Variants in ADAMTS16 observed in about 807,000 individuals in gnomAD.
ADAMTS16 encodes ADAM metallopeptidase with thrombospondin type 1 motif 16.
ADAMTS16 carries 94 observed loss-of-function variants against 145.8 expected under a neutral mutation model. The ratio of observed to expected loss-of-function variants is 0.64; its 90% CI spans 0.55 to 0.77. ADAMTS16 has a LOEUF of 0.77. Among genes scored for constraint, ADAMTS16 ranks in the 30% least tolerant of loss-of-function variants. The pLI, the probability that ADAMTS16 is intolerant of heterozygous loss-of-function variation, is 0.00. For synonymous variants in ADAMTS16, 659 were observed against 604.3 expected (o/e 1.09, Z -1.33); for missense variants, 1,585 against 1,591.5 (o/e 1.00, Z 0.07).
At chr5:5,314,246 G>A (rs1173975396) in intron 21 of ADAMTS16, among the ~76,000 whole-genome samples, 1 of 152,226 alleles carries the variant, frequency 6.6e-6, no homozygotes, top group African/African-American at 2.4e-5. Context: ...GGGACTTAGA[G>A]CAGGCCTCTC....
At chr5:5,174,780 TC>T (rs1266744824) in intron 3 of ADAMTS16, among the ~76,000 whole-genome samples, 1 of 152,232 alleles carries the variant, frequency 6.6e-6, no homozygotes, top group Non-Finnish European at 1.5e-5. Flanking sequence ...CTCCAGAATT[TC>T]TTCTTGATTC....
chr5:5,270,405 C>G (rs973115356), intron 18 of ADAMTS16, among the ~76,000 whole-genome samples: 2 of 152,216 alleles, frequency 1.3e-5, no homozygotes, highest in Non-Finnish European at 2.9e-5. Context: ...GGGCTCGACC[C>G]TGCCTTCCCC....
chr5:5,177,922 T>C (rs1257954783), intron 3 of ADAMTS16, among the ~76,000 whole-genome samples: 1 of 152,218 alleles, frequency 6.6e-6, no homozygotes, highest in Non-Finnish European at 1.5e-5. Context: ...TGGGAGTCTG[T>C]CTCATTGCTG....
At chr5:5,229,422 G>T (rs1325261394) in intron 11 of ADAMTS16, among the ~76,000 whole-genome samples, 3 of 152,174 alleles carry the variant, frequency 2.0e-5, no homozygotes, top group Non-Finnish European at 2.9e-5. Flanking sequence ...GATGTGTCAG[G>T]TTATAAATGA....
Position 5,262,232 on chromosome 5 carries a change from T to C in ADAMTS16, c.2663-425T>C, listed in dbSNP as rs143116402. On this transcript the variant is annotated intron_variant, in intron 17 of 22. Transcript: ENST00000274181. ...TTGTTAGTTTGTTGTCTATGTTTCC[T>C]GCTGATTTATTACTGTTTCTTGTTG... Among the ~76,000 whole-genome samples the C allele has an allele frequency of 7.2e-5, 11 of 152,360 alleles. No homozygotes were observed. The East Asian group carries it at 1.9e-3, about 27-fold the overall frequency.
intron 21 of ADAMTS16, among the ~76,000 whole-genome samples, chr5:5,312,448 A>T (rs1435465973): frequency 1.2e-3 from 164 of 134,410 alleles, no homozygotes; most frequent in African/African-American, 4.0e-3. Context: ...TGTTGTTGTT[A>T]TTTTTTTTTT....
chr5:5,192,078 G>A (rs1735675482), intron 8 of ADAMTS16, among the ~76,000 whole-genome samples: 1 of 152,092 alleles, frequency 6.6e-6, no homozygotes, highest in Admixed American at 6.6e-5. Context: ...CTGCCTCCTG[G>A]GCTCAAGCAA....
intron 3 of ADAMTS16, among the ~76,000 whole-genome samples, chr5:5,153,588 G>A (rs150304641): frequency 1.1e-4 from 16 of 152,038 alleles, no homozygotes; most frequent in South Asian, 4.1e-4. Context: ...TTAATAAATC[G>A]TTCAATCACT....
intron 17 of ADAMTS16, 48 bp from the exon 18 acceptor site, chr5:5,262,609 T>TG (rs2126432139): frequency 6.3e-7 from 1 of 1,584,234 alleles, no homozygotes; most frequent in Non-Finnish European, 8.6e-7. Context: ...CCTTTTACTG[T>TG]GGGGCATGCA....
At chr5:5,184,079 G>A (rs546412555) in intron 4 of ADAMTS16, among the ~76,000 whole-genome samples, 3 of 152,280 alleles carry the variant, frequency 2.0e-5, no homozygotes, top group African/African-American at 7.2e-5. Context: ...CAGGGGCCAT[G>A]TGACCAGCCC....
chr5:5,282,694 T>A (rs1301344341), intron 18 of ADAMTS16, among the ~76,000 whole-genome samples: 1 of 152,228 alleles, frequency 6.6e-6, no homozygotes, highest in East Asian at 1.9e-4. Flanking sequence ...AAATATATAT[T>A]CTTGTTGTCA....
intron 17 of ADAMTS16, among the ~76,000 whole-genome samples, chr5:5,257,845 C>T (rs1351467764): frequency 6.6e-6 from 1 of 152,196 alleles, no homozygotes; most frequent in East Asian, 1.9e-4. Context: ...AGTTTCCAGT[C>T]TTGAGTCTCA....
At chr5:5,228,450 T>C (rs953501490) in intron 11 of ADAMTS16, among the ~76,000 whole-genome samples, 4 of 152,154 alleles carry the variant, frequency 2.6e-5, no homozygotes, top group African/African-American at 9.6e-5. Context: ...ACATTTATAG[T>C]CCTAAATTTA....
Position 5,310,092 on chromosome 5 carries a change from G to GTT in ADAMTS16, c.3411+3365_3411+3366dup, listed in dbSNP as rs1192960991. Among the ~76,000 whole-genome samples, 2 of 152,164 alleles carry GTT rather than the reference G, an allele frequency of 1.3e-5. No individual in the cohort carries two copies. Among genetic ancestry groups the GTT allele is most frequent in the African/African-American group, 2.4e-5 (1 of 41,422 alleles). On this transcript the variant is annotated intron_variant, in intron 21 of 22. Transcript: ENST00000274181. This position sits in a 1 kb window ranked among gnomAD's most constrained non-coding sequence, Gnocchi z 4.3. ...AGTGCAGAAATTAGTGCAGGTGCCT[G>GTT]TTGGGCAGCCGGGGTCAAGGTGTGA...
intron 3 of ADAMTS16, among the ~76,000 whole-genome samples, chr5:5,162,231 T>G (rs1163569154): frequency 6.6e-6 from 1 of 152,244 alleles, no homozygotes; most frequent in East Asian, 1.9e-4. Flanking sequence ...TAAAAAATTA[T>G]TTTAGGCAGA....
rs562724399 is a variant in ADAMTS16 at position 5,269,432 on chromosome 5, G to A, written c.2789+6649G>A. Among the ~76,000 whole-genome samples, 11 of 152,156 alleles carry A rather than the reference G, an allele frequency of 7.2e-5. No individual in the cohort carries two copies. The East Asian group carries it at 2.1e-3, about 30-fold the overall frequency. ...GTACACAATCCTTACACCTGCCCCTGGGTCATTTGCTCCCCACCTCCCAGG... is the reference window on the plus strand; with the variant it reads ...GTACACAATCCTTACACCTGCCCCTAGGTCATTTGCTCCCCACCTCCCAGG... On this transcript the variant is annotated intron_variant, in intron 18 of 22. Coordinates refer to ENST00000274181, the MANE Select transcript of ADAMTS16 (RefSeq NM_139056.4). The surrounding 1 kb of genome is among the most constrained non-coding windows in gnomAD (Gnocchi z 4.3).
At chr5:5,315,832 A>G (rs1006530840) in intron 21 of ADAMTS16, among the ~76,000 whole-genome samples, 7 of 152,288 alleles carry the variant, frequency 4.6e-5, no homozygotes, top group African/African-American at 1.7e-4. Flanking sequence ...TATTTTTTCT[A>G]CTTTCCGTAG....
At chr5:5,243,378 G>T (rs2126394489) in intron 17 of ADAMTS16, among the ~76,000 whole-genome samples, 1 of 152,352 alleles carries the variant, frequency 6.6e-6, no homozygotes, top group African/African-American at 2.4e-5. Context: ...TCTCACACTA[G>T]TGATATGGCC....
intron 16 of ADAMTS16, among the ~76,000 whole-genome samples, chr5:5,240,790 C>T (rs533572318): frequency 6.6e-6 from 1 of 152,152 alleles, no homozygotes; most frequent in Non-Finnish European, 1.5e-5. Context: ...CTGTCCTGCC[C>T]CTGAACTCTT....
Sources: gnomAD v4.1 joint callset for allele counts (sites outside exome capture counted in the v4.1 genomes callset) on GRCh38, gnomAD v4.1.1 for gene constraint, Gnocchi (gnomAD v3.1) non-coding constraint, MANE v1.5 for transcripts, NCBI Gene and HGNC (gene_info 2026-07-23, HGNC 2026-07-21) for gene names.